The following COP1 variants were observed in gnomAD, a reference collection of about 807,000 sequenced individuals.
The protein encoded by COP1 is E3 ubiquitin-protein ligase COP1.
COP1 carries 24 observed loss-of-function variants against 101.3 expected under a neutral mutation model. The observed-to-expected ratio is 0.24, with a 90% CI of 0.17 to 0.33. The LOEUF (loss-of-function observed/expected upper bound fraction) is 0.33, where lower values mean the gene tolerates loss of function less well. COP1 is among the 10% of genes least tolerant of loss of function. The pLI, the probability that COP1 is intolerant of heterozygous loss-of-function variation, is 1.00. For synonymous variants in COP1, 347 were observed against 341.9 expected (o/e 1.01, Z -0.17); for missense variants, 663 against 906.2 (o/e 0.73, Z 3.45).
At chr1:175,997,361 C>A (rs1377708413) in intron 15 of COP1, among the ~76,000 whole-genome samples, 1 of 151,892 alleles carries the variant, frequency 6.6e-6, no homozygotes. Context: ...GTCTAAAACA[C>A]CAAAAGCAAT....
chr1:176,047,901 C>T (rs1410008979), intron 11 of COP1, among the ~76,000 whole-genome samples: 3 of 151,904 alleles, frequency 2.0e-5, no homozygotes, highest in Non-Finnish European at 4.4e-5. Context: ...TAGTGAGACC[C>T]GATCGCTACA....
chr1:176,067,613 C>T (rs988137791), intron 11 of COP1, among the ~76,000 whole-genome samples: 2 of 152,136 alleles, frequency 1.3e-5, no homozygotes, highest in Non-Finnish European at 2.9e-5. Flanking sequence ...TCTGGCCTCT[C>T]CATCAACCTC....
At chr1:176,195,331 GC>G (rs1405293179) in intron 1 of COP1, among the ~76,000 whole-genome samples, 2 of 152,174 alleles carry the variant, frequency 1.3e-5, no homozygotes, top group Admixed American at 6.5e-5. Context: ...AATACACGAA[GC>G]AAAAGCTGAG....
chr1:175,995,132 C>G (rs1225437022), intron 15 of COP1, among the ~76,000 whole-genome samples: 1 of 152,188 alleles, frequency 6.6e-6, no homozygotes, highest in Non-Finnish European at 1.5e-5. Flanking sequence ...GAACAACTTG[C>G]TCCTGAATGA....
chr1:176,088,712 T>C (rs1680682194), intron 9 of COP1, among the ~76,000 whole-genome samples: 3 of 152,166 alleles, frequency 2.0e-5, no homozygotes, highest in Admixed American at 1.3e-4. Context: ...AAATATCTAT[T>C]TGGCCGGGCG....
chr1:175,945,000 GAAAAGAAA>G lies in COP1; in HGVS notation c.*145_*152del, dbSNP rs1383484924. The G allele has an allele frequency of 1.1e-5, 7 of 666,282 alleles. No individual in the cohort carries two copies. The highest frequency in any genetic ancestry group is 9.6e-5 in the African/African-American group (5 of 52,190). The allele number at this position is 666,282 out of a possible 1,614,324, so 41.3% of individuals were successfully genotyped here. A position where few individuals can be genotyped will look rare whatever the true frequency, so the allele number is the denominator to read the frequency against. Reference sequence around the variant, plus strand: ...AATGTCCCAAAGGTCATAAAGGAGGGAAAAGAAAAAAAGAAAAAAATATTCAAAACAAA... The same window carrying G: ...AATGTCCCAAAGGTCATAAAGGAGGGAAAAGAAAAAAATATTCAAAACAAA... On this transcript the variant is annotated 3_prime_UTR_variant, in exon 20 of 20. Coordinates refer to ENST00000367669, the MANE Select transcript of COP1 (RefSeq NM_022457.7).
chr1:176,109,130 T>TA (rs1558126193), intron 9 of COP1, among the ~76,000 whole-genome samples: 1 of 151,992 alleles, frequency 6.6e-6, no homozygotes, highest in African/African-American at 2.4e-5. Context: ...ATAAAATAAA[T>TA]AAAATTATCA....
intron 15 of COP1, among the ~76,000 whole-genome samples, chr1:176,015,992 A>C (rs1308666091): frequency 6.6e-6 from 1 of 152,180 alleles, no homozygotes; most frequent in Non-Finnish European, 1.5e-5. Context: ...GAAGAATGAG[A>C]TACATGGCTT....
intron 15 of COP1, among the ~76,000 whole-genome samples, chr1:176,003,117 G>A (rs1017433136): frequency 2.0e-5 from 3 of 152,166 alleles, no homozygotes; most frequent in Middle Eastern, 6.8e-3. Context: ...GTGATGATGA[G>A]CATTTTTTCA....
At chr1:176,164,156 T>C (rs1572624151) in intron 3 of COP1, among the ~76,000 whole-genome samples, 1 of 152,222 alleles carries the variant, frequency 6.6e-6, no homozygotes, top group African/African-American at 2.4e-5. Flanking sequence ...GATGACGCTA[T>C]TGGCACTTGC....
At chr1:176,153,457 G>C in intron 5 of COP1, among the ~76,000 whole-genome samples, 1 of 152,160 alleles carries the variant, frequency 6.6e-6, no homozygotes, top group Non-Finnish European at 1.5e-5. Flanking sequence ...AGACTTTGCT[G>C]AACTTGTTTG....
intron 6 of COP1, among the ~76,000 whole-genome samples, chr1:176,147,756 G>A (rs1002503704): frequency 6.6e-6 from 1 of 152,140 alleles, no homozygotes; most frequent in Non-Finnish European, 1.5e-5. Context: ...GGGAGGCCAT[G>A]GGCCACCACA....
At chr1:175,969,794 A>G (rs1213611368) in intron 18 of COP1, among the ~76,000 whole-genome samples, 2 of 152,202 alleles carry the variant, frequency 1.3e-5, no homozygotes, top group Non-Finnish European at 2.9e-5. Flanking sequence ...GGCACTAAAC[A>G]AATGAATGGT....
At chr1:176,006,001 C>G (rs1353833589) in intron 15 of COP1, among the ~76,000 whole-genome samples, 1 of 152,164 alleles carries the variant, frequency 6.6e-6, no homozygotes, top group Non-Finnish European at 1.5e-5. Context: ...TTGTAGGTCA[C>G]TCAGGACTTG....
At chr1:176,137,398 A>G (rs1393551178) in intron 6 of COP1, among the ~76,000 whole-genome samples, 1 of 152,188 alleles carries the variant, frequency 6.6e-6, no homozygotes, top group African/African-American at 2.4e-5. Context: ...TTTTATTGAG[A>G]GTATTAAAAA....
At chr1:175,966,303 AC>A (rs1264761014) in intron 18 of COP1, among the ~76,000 whole-genome samples, 3 of 151,930 alleles carry the variant, frequency 2.0e-5, no homozygotes, top group East Asian at 1.9e-4. Context: ...ACACACACAC[AC>A]ACACACACAC....
chr1:176,085,119 A>C (rs1679900977), intron 10 of COP1, among the ~76,000 whole-genome samples: 1 of 152,180 alleles, frequency 6.6e-6, no homozygotes, highest in South Asian at 2.1e-4. Context: ...ACATCTTTGC[A>C]TATGTTATTT....
chr1:176,081,803 G>T (rs1291127397), intron 10 of COP1, among the ~76,000 whole-genome samples: 1 of 151,952 alleles, frequency 6.6e-6, no homozygotes, highest in Admixed American at 6.6e-5. Context: ...CCTATTACAG[G>T]AAGACAGTAG....
chr1:176,045,694 A>G (rs1671403905), intron 12 of COP1, among the ~76,000 whole-genome samples: 1 of 151,982 alleles, frequency 6.6e-6, no homozygotes, highest in South Asian at 2.1e-4. Flanking sequence ...TAGGTTTGAA[A>G]AGCACTGCTT....
Sources: allele counts gnomAD v4.1 joint callset (sites outside exome capture counted in the v4.1 genomes callset), GRCh38; gene constraint gnomAD v4.1.1; transcripts MANE v1.5; gene names NCBI Gene and HGNC (gene_info 2026-07-23, HGNC 2026-07-21).